Variants in GATB observed in about 807,000 individuals in gnomAD.
GATB encodes glutamyl-tRNA(Gln) amidotransferase subunit B, mitochondrial.
In GATB, 39 loss-of-function variants were observed where a neutral mutation model predicts 62.3. The observed-to-expected ratio is 0.63, with a 90% CI of 0.48 to 0.82. The LOEUF (loss-of-function observed/expected upper bound fraction) is 0.82, where lower values mean the gene tolerates loss of function less well. Ranked by LOEUF, GATB falls within the 40% of genes least tolerant of loss-of-function variation. The probability of loss-of-function intolerance (pLI) is 0.00; values close to 1 mark genes in which losing one functional copy is unlikely to be tolerated. For synonymous variants in GATB, 276 were observed against 258.9 expected, an observed-to-expected ratio of 1.07 and a Z score of -0.63; for missense variants, 670 against 684.0, an observed-to-expected ratio of 0.98 and a Z score of 0.23.
At chr4:151,719,957 C>T (rs1738995402) in intron 2 of GATB, 1 of 152,870 alleles carries the variant, frequency 6.5e-6, no homozygotes, top group South Asian at 2.1e-4. Context: ...GGAAGGGTGG[C>T]TTCACTTTGA....
intron 2 of GATB, among the ~76,000 whole-genome samples, chr4:151,744,269 T>A (rs1307618045): frequency 6.6e-6 from 1 of 152,230 alleles, no homozygotes; most frequent in Non-Finnish European, 1.5e-5. Context: ...TGTACGTGTA[T>A]GCAAGTATAT....
intron 2 of GATB, among the ~76,000 whole-genome samples, chr4:151,729,739 A>G (rs1289652244): frequency 1.3e-5 from 2 of 152,172 alleles, no homozygotes; most frequent in African/African-American, 4.8e-5. Flanking sequence ...GTGTTGGGTA[A>G]TTCTTCTATC....
At position 151,676,225 on chromosome 4, in the gene GATB, C is replaced by T. The variant is rs142649078; in HGVS notation, c.1411-3329G>A. On this transcript the variant is annotated intron_variant, in intron 11 of 12. Transcript: ENST00000263985. ...AGACATCTAGTCATTTGTAATACAG[C>T]TTTGGTGCATGATATATAACATTTT... 3.9e-5 allele frequency: 6 copies of T among 152,364 alleles called. No homozygotes were observed. In the East Asian group the frequency reaches 9.6e-4, roughly 24 times the overall value. 9.4% of individuals were successfully genotyped at this position (152,364 alleles called of 1,614,324 possible).
chr4:151,702,831 G>T (rs999586864), intron 8 of GATB, among the ~76,000 whole-genome samples: 26 of 152,238 alleles, frequency 1.7e-4, no homozygotes, highest in African/African-American at 6.0e-4. Flanking sequence ...AAGAAGTGGT[G>T]GTTTGGAGGG....
intron 2 of GATB, chr4:151,724,217 C>G (rs752096584): frequency 3.9e-5 from 6 of 152,198 alleles, no homozygotes; most frequent in Non-Finnish European, 8.8e-5. Context: ...AAACAAATCA[C>G]CAAGTTCTAC....
chr4:151,717,199 A>G (rs912886191), intron 3 of GATB, 125 bp from the exon 4 acceptor site: 2 of 902,682 alleles, frequency 2.2e-6, no homozygotes, highest in Non-Finnish European at 3.4e-6. Flanking sequence ...ACAAGAAAAA[A>G]AGGAAAAGGA....
At chr4:151,707,115 A>G (rs1738729664) in intron 6 of GATB, among the ~76,000 whole-genome samples, 2 of 152,246 alleles carry the variant, frequency 1.3e-5, no homozygotes, top group Admixed American at 6.5e-5. Context: ...GCAGGAAAAC[A>G]TAATGACCAT....
chr4:151,692,837 C>A (rs1738393338), intron 9 of GATB, among the ~76,000 whole-genome samples: 1 of 152,228 alleles, frequency 6.6e-6, no homozygotes, highest in African/African-American at 2.4e-5. Flanking sequence ...CATTCTAATT[C>A]CTCTAATAGG....
At chr4:151,758,649 C>G in intron 2 of GATB, 123 bp downstream of exon 2, 1 of 822,808 alleles carries the variant, frequency 1.2e-6, no homozygotes, top group East Asian at 2.8e-5. Context: ...CCGCTTCACC[C>G]AAAACTCCCT....
At chr4:151,754,700 C>T (rs528586365) in intron 2 of GATB, among the ~76,000 whole-genome samples, 3 of 152,190 alleles carry the variant, frequency 2.0e-5, no homozygotes, top group South Asian at 2.1e-4. Flanking sequence ...CAAAGAAACA[C>T]TCCAAATAAC....
intron 11 of GATB, 143 bp from the exon 12 acceptor site, chr4:151,673,039 G>A (rs2126951034): frequency 1.9e-6 from 2 of 1,034,696 alleles, no homozygotes; most frequent in Non-Finnish European, 2.8e-6. Context: ...GGCCCAAAGG[G>A]AAAGGGCACC....
chr4:151,716,339 G>C, intron 4 of GATB: 1 of 528,728 alleles, frequency 1.9e-6, no homozygotes, highest in South Asian at 2.7e-5. Flanking sequence ...CTGGAATGCA[G>C]TGGCATGATC....
At chr4:151,727,402 C>A (rs1021696531) in intron 2 of GATB, among the ~76,000 whole-genome samples, 1 of 152,192 alleles carries the variant, frequency 6.6e-6, no homozygotes, top group Non-Finnish European at 1.5e-5. Context: ...GATTGGAGGC[C>A]AATGGCCCAA....
In GATB at chr4:151,670,854, G is replaced by GTATC. The variant is rs1163404364; in HGVS notation, c.*316_*319dup. 4.2e-6 allele frequency: 1 copy of GTATC among 237,930 alleles called. No homozygotes were observed. Among genetic ancestry groups the GTATC allele is most frequent in the African/African-American group, 2.2e-5 (1 of 45,404 alleles). The allele number at this position is 237,930 out of a possible 1,614,324, so 14.7% of individuals were successfully genotyped here. A position where few individuals can be genotyped will look rare whatever the true frequency, so the allele number is the denominator to read the frequency against. On this transcript the variant is annotated 3_prime_UTR_variant, in exon 13 of 13. Transcript: ENST00000263985. The stretch of plus-strand genomic sequence containing the variant: ...AAAAGTTTTCTTAGAATGGGTAACA[G>GTATC]TATCTCCAACATACATTTTATTTAG...
intron 5 of GATB, 101 bp downstream of exon 5, chr4:151,715,908 A>G (rs934227493): frequency 1.6e-5 from 21 of 1,320,512 alleles, no homozygotes; most frequent in Non-Finnish European, 1.9e-5. Flanking sequence ...ATGGCTGCAA[A>G]CAACCTCAAT....
intron 4 of GATB, 70 bp downstream of exon 4, chr4:151,716,806 G>A: frequency 7.1e-7 from 1 of 1,416,936 alleles, no homozygotes; most frequent in Non-Finnish European, 9.9e-7. Flanking sequence ...AACTCTAGCG[G>A]TGAAAAGAGG....
intron 6 of GATB, 38 bp downstream of exon 6, chr4:151,707,950 T>C (rs1383755336): frequency 6.8e-6 from 9 of 1,321,420 alleles, no homozygotes; most frequent in Non-Finnish European, 9.8e-6. Flanking sequence ...AGAGAAACAA[T>C]AGGAAGAAGG....
Position 151,671,137 on chromosome 4 carries a change from T to C in GATB, c.*37A>G. 6.2e-7 allele frequency: 1 copy of C among 1,613,472 alleles called. No homozygotes were observed. Among genetic ancestry groups the C allele is most frequent in the Non-Finnish European group, 8.5e-7 (1 of 1,179,512 alleles). On this transcript the variant is annotated 3_prime_UTR_variant, in exon 13 of 13. Transcript: ENST00000263985. ...CCTGTTCCCAGTCAGGCTGCACTGT[T>C]TGTTGTTGTCCCTTGGGCAAGGGGA...
intron 9 of GATB, among the ~76,000 whole-genome samples, chr4:151,689,340 G>T (rs1738316087): frequency 6.6e-6 from 1 of 152,146 alleles, no homozygotes; most frequent in Admixed American, 6.5e-5. Flanking sequence ...TCAAAGTGAG[G>T]GAGAACATGG....
Sources: allele counts gnomAD v4.1 joint callset (sites outside exome capture counted in the v4.1 genomes callset), GRCh38; gene constraint gnomAD v4.1.1; transcripts MANE v1.5; gene names NCBI Gene and HGNC (gene_info 2026-07-23, HGNC 2026-07-21).